GNG12: variants seen among roughly 807,000 people sequenced by gnomAD.
GNG12 encodes guanine nucleotide-binding protein G(I)/G(S)/G(O) subunit gamma-12.
For synonymous variants in GNG12, 28 were observed against 29.7 expected, an observed-to-expected ratio of 0.94 and a Z score of 0.19; for missense variants, 69 against 83.8, an observed-to-expected ratio of 0.82 and a Z score of 0.69.
intron 2 of GNG12, among the ~76,000 whole-genome samples, chr1:67,762,325 C>T (rs981188493): frequency 6.6e-5 from 10 of 152,080 alleles, no homozygotes; most frequent in Admixed American, 5.9e-4. Context: ...ACCATCCTTA[C>T]GTACTCAGTA....
chr1:67,766,112 A>G (rs1169064201), intron 2 of GNG12, among the ~76,000 whole-genome samples: 221 of 47,774 alleles, frequency 4.6e-3, no homozygotes, highest in African/African-American at 0.017. Flanking sequence ...ACACGCACAC[A>G]CACACACACA....
intron 1 of GNG12, among the ~76,000 whole-genome samples, chr1:67,810,954 T>C (rs1192620940): frequency 6.6e-6 from 1 of 152,144 alleles, no homozygotes; most frequent in East Asian, 1.9e-4. Flanking sequence ...AACATTTCTG[T>C]TTGCTAGAAT....
intron 1 of GNG12, among the ~76,000 whole-genome samples, chr1:67,779,334 G>T (rs1356534787): frequency 6.6e-6 from 1 of 152,124 alleles, no homozygotes; most frequent in Non-Finnish European, 1.5e-5. Flanking sequence ...ACACCGTAGG[G>T]CTGAGGCCAC....
Position 67,800,812 on chromosome 1 carries a change from C to G in GNG12, c.-76-23305G>C, listed in dbSNP as rs192087901. Among the ~76,000 whole-genome samples, 156 of 152,002 alleles carry G rather than the reference C, an allele frequency of 1.0e-3. 1 individual carries two copies. The highest frequency in any genetic ancestry group is 3.7e-3 in the African/African-American group (153 of 41,454). Reference sequence around the variant, plus strand: ...ACACAATGAAAACGTCAAATAATATCTTAATATGATTTTAAACTTGACCTT... The same window carrying G: ...ACACAATGAAAACGTCAAATAATATGTTAATATGATTTTAAACTTGACCTT... On this transcript the variant is annotated intron_variant, in intron 1 of 3. Transcript: ENST00000370982.
rs528953918 is a variant in GNG12, at chr1:67,751,850, G to A, written c.-27+25608C>T. On this transcript the variant is annotated intron_variant, in intron 2 of 3. Transcript: ENST00000370982. The stretch of plus-strand genomic sequence containing the variant: ...TCTCAAGACTAATGTGCTGAACACG[G>A]GTACTGAATGAGGTGAGCCTCTCCC... Among the ~76,000 whole-genome samples, 9 of 152,284 alleles carry A rather than the reference G, an allele frequency of 5.9e-5. No homozygotes were observed. In the South Asian group the frequency reaches 1.5e-3, roughly 25 times the overall value.
chr1:67,804,287 A>C (rs1476738533), intron 1 of GNG12, among the ~76,000 whole-genome samples: 1 of 152,218 alleles, frequency 6.6e-6, no homozygotes, highest in East Asian at 1.9e-4. Context: ...GACTTAGAAA[A>C]GGCAACCAAA....
chr1:67,709,151 A>G (rs1193585442), intron 2 of GNG12, among the ~76,000 whole-genome samples: 12 of 152,358 alleles, frequency 7.9e-5, no homozygotes, highest in South Asian at 4.1e-4. Flanking sequence ...CAGCCTAATA[A>G]GCAACCTTCA....
intron 2 of GNG12, among the ~76,000 whole-genome samples, chr1:67,725,265 T>A (rs1017353652): frequency 6.6e-5 from 10 of 152,214 alleles, no homozygotes; most frequent in Admixed American, 4.6e-4. Flanking sequence ...TGCCAAAAAA[T>A]GCAAAATAGG....
chr1:67,734,782 G>A (rs772075686), intron 2 of GNG12, among the ~76,000 whole-genome samples: 2 of 152,146 alleles, frequency 1.3e-5, no homozygotes, highest in Non-Finnish European at 2.9e-5. Context: ...ACACTACAGG[G>A]TCTGGCTCTA....
In GNG12 at chr1:67,704,329, AT is replaced by A. The variant is rs1035411769; in HGVS notation, c.*1121del. 6 of 150,580 alleles carry A rather than the reference AT, an allele frequency of 4.0e-5. No homozygotes were observed. Among genetic ancestry groups the A allele is most frequent in the East Asian group, 3.9e-4 (2 of 5,130 alleles). The allele number at this position is 150,580 out of a possible 1,614,324, so 9.3% of individuals were successfully genotyped here. A position where few individuals can be genotyped will look rare whatever the true frequency, so the allele number is the denominator to read the frequency against. ...CCTGACAGCTTGCATTTTTTTTTTAATTTTTTTTTTCCTCACCGTATTCCAC... is the reference window on the plus strand; with the variant it reads ...CCTGACAGCTTGCATTTTTTTTTTAATTTTTTTTTCCTCACCGTATTCCAC... On this transcript the variant is annotated 3_prime_UTR_variant, in exon 4 of 4. Coordinates refer to ENST00000370982, the MANE Select transcript of GNG12 (RefSeq NM_018841.6).
At position 67,733,283 on chromosome 1, in the gene GNG12, G is replaced by A. The variant is rs184181426; in HGVS notation, c.-26-25571C>T. Reference sequence around the variant, plus strand: ...TCTTTTTTTAAATGAAAAAAATGTTGAAAATTCAAACTATATGCATGTGTA... The same window carrying A: ...TCTTTTTTTAAATGAAAAAAATGTTAAAAATTCAAACTATATGCATGTGTA... On this transcript the variant is annotated intron_variant, in intron 2 of 3. Coordinates refer to ENST00000370982, the MANE Select transcript of GNG12 (RefSeq NM_018841.6). Among the ~76,000 whole-genome samples, 24 of 152,186 alleles carry A rather than the reference G, an allele frequency of 1.6e-4. No homozygotes were observed. In the East Asian group the frequency reaches 4.4e-3, roughly 28 times the overall value.
chr1:67,732,186 G>C (rs1404891107), intron 2 of GNG12, among the ~76,000 whole-genome samples: 1 of 152,242 alleles, frequency 6.6e-6, no homozygotes, highest in African/African-American at 2.4e-5. Context: ...CAGTCATAAA[G>C]GAGAATGTTT....
At chr1:67,789,660 T>A (rs188612427) in intron 1 of GNG12, among the ~76,000 whole-genome samples, 1 of 152,264 alleles carries the variant, frequency 6.6e-6, no homozygotes, top group Admixed American at 6.5e-5. Flanking sequence ...AGGTTATGTC[T>A]GCTACAGAGT....
intron 1 of GNG12, among the ~76,000 whole-genome samples, chr1:67,828,535 T>C (rs1027997999): frequency 2.0e-5 from 3 of 152,204 alleles, no homozygotes; most frequent in African/African-American, 7.2e-5. Context: ...CAAGACTGTA[T>C]ACGGGAAGAG....
chr1:67,775,047 T>C (rs1646697115), intron 2 of GNG12, among the ~76,000 whole-genome samples: 1 of 152,188 alleles, frequency 6.6e-6, no homozygotes, highest in Admixed American at 6.5e-5. Flanking sequence ...CCACTACCAT[T>C]TGATCACTCA....
At chr1:67,776,704 G>T (rs78510111) in intron 2 of GNG12, among the ~76,000 whole-genome samples, 1 of 152,060 alleles carries the variant, frequency 6.6e-6, no homozygotes, top group Non-Finnish European at 1.5e-5. Context: ...CAGGTGAAAG[G>T]AGAAGGATCA....
intron 1 of GNG12, among the ~76,000 whole-genome samples, chr1:67,816,008 C>T (rs2100814934): frequency 6.6e-6 from 1 of 152,318 alleles, no homozygotes; most frequent in South Asian, 2.1e-4. Flanking sequence ...GCGGCCGGGG[C>T]TCCATGATTT....
chr1:67,799,706 T>TGCCACCGCGCCCGGCC (rs1293954077), intron 1 of GNG12, among the ~76,000 whole-genome samples: 1 of 152,146 alleles, frequency 6.6e-6, no homozygotes, highest in Non-Finnish European at 1.5e-5. Flanking sequence ...AACTGAGAAA[T>TGCCACCGCGCCCGGCC]TAAAAAATAC....
intron 2 of GNG12, among the ~76,000 whole-genome samples, chr1:67,761,234 GC>G (rs1162291242): frequency 2.6e-5 from 4 of 152,176 alleles, no homozygotes; most frequent in African/African-American, 9.7e-5. Flanking sequence ...GTTATTGAAT[GC>G]TTACTCTGTG....
Sources: gnomAD v4.1 joint callset for allele counts (sites outside exome capture counted in the v4.1 genomes callset) on GRCh38, gnomAD v4.1.1 for gene constraint, MANE v1.5 for transcripts, NCBI Gene and HGNC (gene_info 2026-07-23, HGNC 2026-07-21) for gene names.